The following PTPRA variants were observed in gnomAD, a reference collection of about 807,000 sequenced individuals.
The protein encoded by PTPRA is receptor-type tyrosine-protein phosphatase alpha.
In PTPRA, 25 loss-of-function variants were observed where a neutral mutation model predicts 104.8. The ratio of observed to expected loss-of-function variants is 0.24; its 90% CI spans 0.17 to 0.33. The LOEUF is 0.33. PTPRA is among the 10% of genes least tolerant of loss of function. The pLI is 1.00. For synonymous variants in PTPRA, 323 were observed against 368.9 expected (o/e 0.88, Z 1.43); for missense variants, 765 against 1,015.3 (o/e 0.75, Z 3.35).
At chr20:2,872,424 C>G (rs540945413), upstream of PTPRA, among the ~76,000 whole-genome samples, 1 of 152,344 alleles carries the variant, frequency 6.6e-6, no homozygotes, top group East Asian at 1.9e-4. This position sits in a 1 kb window ranked among gnomAD's most constrained non-coding sequence, Gnocchi z 7.9. Flanking sequence ...GACTCTGGGT[C>G]TGGGATAAAG....
chr20:2,929,294 C>T (rs139196058), intron 2 of PTPRA, among the ~76,000 whole-genome samples: 25 of 152,214 alleles, frequency 1.6e-4, no homozygotes, highest in Non-Finnish European at 2.6e-4. Flanking sequence ...GTCTTCTCCC[C>T]GCTTTCTTTT....
At chr20:2,955,890 C>A (rs2061518502) in intron 3 of PTPRA, among the ~76,000 whole-genome samples, 1 of 151,950 alleles carries the variant, frequency 6.6e-6, no homozygotes, top group African/African-American at 2.4e-5. Context: ...GTCTTTTTTC[C>A]CCCTACCCCC....
Position 3,037,375 on chromosome 20 carries a change from G to A in PTPRA, c.2334+86G>A, listed in dbSNP as rs1430952932. ...GAGGCTCTTCAGAGGGGCCCACCCA[G>A]TAGTCAGAAGACTGTCTAAACACAG... is the stretch of plus-strand genomic sequence containing the variant. On this transcript the variant is annotated intron_variant, in intron 23 of 23. Coordinates refer to ENST00000399903, the MANE Select transcript of PTPRA (RefSeq NM_001385305.1). This position sits in a 1 kb window ranked among gnomAD's most constrained non-coding sequence, Gnocchi z 4.3. The A allele has an allele frequency of 2.2e-5, 34 of 1,559,570 alleles. No homozygotes were observed. The highest frequency in any genetic ancestry group is 2.8e-5 in the Non-Finnish European group (32 of 1,155,056).
rs1175861028 is a variant in PTPRA, at chr20:3,015,728, A to G, written c.907-121A>G. On this transcript the variant is annotated intron_variant, in intron 11 of 23. Coordinates refer to ENST00000399903, the MANE Select transcript of PTPRA (RefSeq NM_001385305.1). The stretch of plus-strand genomic sequence containing the variant: ...TCCCTTGTGAATATCTAGACTGGAA[A>G]TCCCCGTTAAGTACCTGCACATTTT... 11 of 755,244 alleles carry G rather than the reference A, an allele frequency of 1.5e-5. 1 individual carries two copies. The South Asian group carries it at 1.7e-4, about 12-fold the overall frequency. 46.8% of individuals were successfully genotyped at this position (755,244 alleles called of 1,614,324 possible).
chr20:2,890,062 A>ATT (rs11359203), intron 1 of PTPRA, among the ~76,000 whole-genome samples: 6 of 134,710 alleles, frequency 4.5e-5, no homozygotes, highest in Non-Finnish European at 7.9e-5. Context: ...TAATTTTTTG[A>ATT]TTTTTTTTTT....
chr20:2,887,914 A>T (rs1297452307), intron 1 of PTPRA, among the ~76,000 whole-genome samples: 3 of 152,172 alleles, frequency 2.0e-5, no homozygotes, highest in Non-Finnish European at 4.4e-5. Flanking sequence ...GCCTCTGCTC[A>T]CGCTGTCTGT....
chr20:3,031,438 T>G (rs2148496343), intron 20 of PTPRA, among the ~76,000 whole-genome samples: 1 of 152,172 alleles, frequency 6.6e-6, no homozygotes, highest in East Asian at 1.9e-4. Flanking sequence ...CACTGATGAC[T>G]TTAACACCTG....
chr20:2,959,640 G>A (rs1415912683), intron 3 of PTPRA, among the ~76,000 whole-genome samples: 4 of 152,172 alleles, frequency 2.6e-5, no homozygotes, highest in East Asian at 3.9e-4. Context: ...CAGGTTCACA[G>A]CAAAATTGAT....
intron 12 of PTPRA, among the ~76,000 whole-genome samples, chr20:3,016,170 C>G (rs2064436851): frequency 6.6e-6 from 1 of 152,188 alleles, no homozygotes; most frequent in Non-Finnish European, 1.5e-5. Flanking sequence ...GCCCTCTGTC[C>G]TTGGGGCTAG....
At chr20:2,886,683 T>TAAA (rs34430434) in intron 1 of PTPRA, among the ~76,000 whole-genome samples, 4 of 135,936 alleles carry the variant, frequency 2.9e-5, no homozygotes, top group Admixed American at 1.5e-4. Flanking sequence ...CCGTCTCTAC[T>TAAA]AAAAAAAAAA....
intron 12 of PTPRA, among the ~76,000 whole-genome samples, chr20:3,017,351 A>G (rs2064517368): frequency 6.6e-6 from 1 of 152,136 alleles, no homozygotes; most frequent in South Asian, 2.1e-4. Context: ...AGAATTTTCT[A>G]GTGACTTTCC....
chr20:2,971,646 G>GT (rs2062191845), intron 5 of PTPRA, among the ~76,000 whole-genome samples: 1 of 152,168 alleles, frequency 6.6e-6, no homozygotes, highest in South Asian at 2.1e-4. Flanking sequence ...ACTTTCAGTG[G>GT]TTTTTCATTA....
At chr20:3,005,184 A>AT (rs762228505) in intron 10 of PTPRA, 38 bp downstream of exon 10, 2 of 1,512,814 alleles carry the variant, frequency 1.3e-6, no homozygotes, top group African/African-American at 2.8e-5. Flanking sequence ...GTAACCTGAA[A>AT]TTACATCTCT....
intron 12 of PTPRA, 38 bp downstream of exon 12, chr20:3,015,923 A>G: frequency 6.5e-7 from 1 of 1,529,456 alleles, no homozygotes; most frequent in Non-Finnish European, 9.1e-7. Flanking sequence ...AGATTTAACC[A>G]TGATCACATA....
Position 2,964,861 on chromosome 20 carries a change from T to G in PTPRA, c.74T>G (p.Val25Gly). ...ICVSANNATTVAPSVGITRLI... is the reference protein window; with the variant it reads ...ICVSANNATTGAPSVGITRLI... ...TTTCCTTGTTTTTTGGTGTTTGTAG[T>G]TGCACCTTCTGTAGGAATTACAAGA... Residue 25 changes from valine to glycine, a missense_variant and splice_region_variant, in exon 5 of 24, where the codon GTT becomes GGT. This residue lies in a region of PTPRA where 256 missense variants were observed against 248.9 expected (regional missense o/e 1.03). Transcript: ENST00000399903. 1 of 1,610,388 alleles carries G rather than the reference T, an allele frequency of 6.2e-7. No individual in the cohort carries two copies. Among genetic ancestry groups the G allele is most frequent in the South Asian group, 1.1e-5 (1 of 90,984 alleles).
intron 3 of PTPRA, among the ~76,000 whole-genome samples, chr20:2,955,175 G>A (rs533655882): frequency 6.6e-6 from 1 of 152,194 alleles, no homozygotes; most frequent in East Asian, 1.9e-4. Flanking sequence ...ACTTTATGCA[G>A]ATAATCTGTA....
At chr20:2,987,871 G>C in intron 7 of PTPRA, 161 bp from the exon 8 acceptor site, 1 of 767,588 alleles carries the variant, frequency 1.3e-6, no homozygotes, top group Non-Finnish European at 2.4e-6. Context: ...GGTCACCCCA[G>C]CATGCTGCTG....
intron 6 of PTPRA, among the ~76,000 whole-genome samples, chr20:2,981,481 G>A (rs2062671044): frequency 6.6e-6 from 1 of 152,188 alleles, no homozygotes; most frequent in Non-Finnish European, 1.5e-5. Context: ...TTAGAGGCTA[G>A]GGATATTGTT....
Position 3,021,444 on chromosome 20 carries a change from T to C in PTPRA, c.1161+16T>C, listed in dbSNP as rs374161909. On this transcript the variant is annotated intron_variant, in intron 14 of 23. Transcript: ENST00000399903. ...CATCCAGCAGGTAGTGTCTCCTCTG[T>C]CCTTTCTCAGTTCTTATGTTGGATC... is the stretch of plus-strand genomic sequence containing the variant. The C allele has an allele frequency of 8.1e-6, 13 of 1,613,544 alleles. No individual in the cohort carries two copies. The highest frequency in any genetic ancestry group is 1.1e-5 in the Non-Finnish European group (13 of 1,179,676).
Sources: allele counts gnomAD v4.1 joint callset (sites outside exome capture counted in the v4.1 genomes callset), GRCh38; gene constraint gnomAD v4.1.1; regional missense constraint gnomAD v4.1.1; non-coding constraint Gnocchi (gnomAD v3.1); transcripts MANE v1.5; gene names NCBI Gene and HGNC (gene_info 2026-07-23, HGNC 2026-07-21).